BIRC6: variants seen among roughly 807,000 people sequenced by gnomAD.
BIRC6 encodes the protein dual E2 ubiquitin-conjugating enzyme/E3 ubiquitin-protein ligase BIRC6.
Under a neutral mutation model 503.3 loss-of-function variants are expected in BIRC6, and 98 were observed. The observed-to-expected ratio is 0.19, with a 90% CI of 0.17 to 0.23. The LOEUF (loss-of-function observed/expected upper bound fraction) is 0.23. BIRC6 is among the 10% of genes least tolerant of loss of function. The probability of loss-of-function intolerance (pLI) is 1.00; values close to 1 mark genes in which losing one functional copy is unlikely to be tolerated. For synonymous variants in BIRC6, 2,240 were observed against 2,078.7 expected (o/e 1.08, Z -2.11); for missense variants, 5,360 against 5,806.0 (o/e 0.92, Z 2.50).
intron 13 of BIRC6, 84 bp from the exon 14 acceptor site, chr2:32,435,412 A>G (rs987796322): frequency 7.4e-7 from 1 of 1,349,860 alleles, no homozygotes; most frequent in Non-Finnish European, 9.7e-7. Context: ...TAAATCATTG[A>G]TATTAAAGAA....
At chr2:32,577,944 G>C (rs995008404) in intron 66 of BIRC6, among the ~76,000 whole-genome samples, 34 of 152,180 alleles carry the variant, frequency 2.2e-4, no homozygotes, top group Middle Eastern at 3.4e-3. Context: ...ATGAGTGTTC[G>C]TAAAGCTCAT....
At chr2:32,411,779 T>C (rs1193269627) in intron 9 of BIRC6, among the ~76,000 whole-genome samples, 1 of 152,112 alleles carries the variant, frequency 6.6e-6, no homozygotes, top group East Asian at 1.9e-4. Flanking sequence ...GCGTCTGGCC[T>C]AACCTGTAGT....
chr2:32,569,019 C>T (rs1310715438), intron 65 of BIRC6, among the ~76,000 whole-genome samples: 2 of 148,890 alleles, frequency 1.3e-5, no homozygotes, highest in African/African-American at 2.5e-5. Context: ...AGTCTCCCTC[C>T]GTTGCTCAGG....
At position 32,490,145 on chromosome 2, in the gene BIRC6, C is replaced by G; in HGVS notation, c.8200C>G (p.Leu2734Val). 1 of 1,596,724 alleles carries G rather than the reference C, an allele frequency of 6.3e-7. No homozygotes were observed. The highest frequency in any genetic ancestry group is 8.6e-7 in the Non-Finnish European group (1 of 1,164,344). The change falls in exon 43 of 74, where the codon CTT becomes GTT. Residue 2734 changes from leucine (L) to valine (V), a missense_variant. By Grantham distance (32) the Leu-to-Val change is conservative. This residue lies in a region of BIRC6 where 2,299 missense variants were observed against 2,267.2 expected (regional missense o/e 1.01). Transcript: ENST00000421745. ...CCTAACACTCATGACAAACATGCAG[C>G]TTAATTGTAAGTTCATAAATTTATT... is the stretch of plus-strand genomic sequence containing the variant. ...HSLTLMTNMQ[L>V]NSGSSSAIGT... is the part of the protein sequence containing the mutation.
At position 32,491,481 on chromosome 2, in the gene BIRC6, G is replaced by C; in HGVS notation, c.8263G>C (p.Asp2755His). ...QESTAHLLVS[D>H]PNLIHVLVKF... ...GAGTACTGCTCATTTGTTGGTTTCA[G>C]ATCCAAACCTAATTCATGTATTAGT... Residue 2755 changes from aspartate to histidine, a missense_variant, in exon 44 of 74, where the codon GAT (aspartate) becomes CAT (histidine). Physicochemically the swap from Asp to His is moderately conservative, Grantham distance 81. Coordinates refer to ENST00000421745, the MANE Select transcript of BIRC6 (RefSeq NM_016252.4). 1 of 1,613,548 alleles carries C rather than the reference G, an allele frequency of 6.2e-7. No homozygotes were observed. Among genetic ancestry groups the C allele is most frequent in the Non-Finnish European group, 8.5e-7 (1 of 1,179,634 alleles).
intron 11 of BIRC6, among the ~76,000 whole-genome samples, chr2:32,429,809 A>G (rs987251945): frequency 1.3e-5 from 2 of 152,166 alleles, no homozygotes; most frequent in Admixed American, 6.5e-5. Context: ...GTAGACTTTT[A>G]TGAAATCATA....
intron 6 of BIRC6, among the ~76,000 whole-genome samples, chr2:32,396,633 T>C (rs562615688): frequency 1.3e-5 from 2 of 152,362 alleles, no homozygotes; most frequent in South Asian, 4.1e-4. Context: ...ATACATACTA[T>C]ATTTTTTTCC....
Position 32,392,050 on chromosome 2 carries a change from A to G in BIRC6, c.851A>G (p.Tyr284Cys), listed in dbSNP as rs2039297670. Residue 284 changes from tyrosine (Y) to cysteine (C), a missense_variant, in exon 5 of 74, where the codon TAT becomes TGT. Transcript: ENST00000421745. ...PGRSVDRSLM[Y>C]SEANRRETFT... ...ATGTTTACTTTTAGATCACTGATGTATAGTGAAGCTAACAGACGGGAGACA... is the reference window on the plus strand; with the variant it reads ...ATGTTTACTTTTAGATCACTGATGTGTAGTGAAGCTAACAGACGGGAGACA... The G allele has an allele frequency of 1.9e-6, 3 of 1,577,920 alleles. No homozygotes were observed. Among genetic ancestry groups the G allele is most frequent in the East Asian group, 2.3e-5 (1 of 43,930 alleles).
At chr2:32,598,469 TTA>T (rs2061818039) in intron 69 of BIRC6, among the ~76,000 whole-genome samples, 1 of 152,132 alleles carries the variant, frequency 6.6e-6, no homozygotes, top group African/African-American at 2.4e-5. Flanking sequence ...TCTAGGAAAT[TTA>T]TGTTTTTTTT....
intron 65 of BIRC6, among the ~76,000 whole-genome samples, chr2:32,561,612 A>AT (rs536755973): frequency 0.011 from 1,701 of 148,994 alleles, 37 homozygotes; most frequent in African/African-American, 0.039. Flanking sequence ...TTTTATTTTG[A>AT]TTTTTTTTTA....
chr2:32,425,435 T>G (rs1015992956), intron 10 of BIRC6, among the ~76,000 whole-genome samples: 8 of 109,758 alleles, frequency 7.3e-5, no homozygotes, highest in Non-Finnish European at 1.3e-4. Context: ...CTGGTAATTC[T>G]TTTTTTTTTT....
chr2:32,567,792 A>G (rs1573061154), intron 65 of BIRC6, among the ~76,000 whole-genome samples: 1 of 152,146 alleles, frequency 6.6e-6, no homozygotes, highest in South Asian at 2.1e-4. Context: ...TACCAAAATG[A>G]TGTACCAGGT....
chr2:32,425,629 A>G (rs1271181659), intron 10 of BIRC6, among the ~76,000 whole-genome samples: 1 of 152,112 alleles, frequency 6.6e-6, no homozygotes, highest in Non-Finnish European at 1.5e-5. Flanking sequence ...CTATTTGTAC[A>G]AAGGCTAGAG....
At chr2:32,407,887 T>C (rs62136280) in intron 9 of BIRC6, among the ~76,000 whole-genome samples, 12,539 of 152,188 alleles carry the variant, frequency 0.082, 637 homozygotes, top group Admixed American at 0.16. Flanking sequence ...AAACATAGAC[T>C]GAGGAAGCTA....
At position 32,499,963 on chromosome 2, in the gene BIRC6, G is replaced by T. The variant is rs1347658955; in HGVS notation, c.8885G>T (p.Gly2962Val). ...DSVSDEEKVSGGKDGNGSSTS... is the reference protein window; with the variant it reads ...DSVSDEEKVSVGKDGNGSSTS... Reference sequence around the variant, plus strand: ...GTTTCAGATGAAGAAAAAGTCTCAGGAGGCAAAGATGGCAATGGAAGCAGT... The same window carrying T: ...GTTTCAGATGAAGAAAAAGTCTCAGTAGGCAAAGATGGCAATGGAAGCAGT... The change falls in exon 46 of 74, where the codon GGA (glycine) becomes GTA (valine). Residue 2962 changes from glycine to valine, a missense_variant. By Grantham distance (109) the Gly-to-Val change is moderately radical. Around this residue, in one of 16 missense-constraint regions of BIRC6, gnomAD observed 2,299 missense variants for 2,267.2 expected, o/e 1.01. Transcript: ENST00000421745. 6.2e-7 allele frequency: 1 copy of T among 1,613,958 alleles called. No individual in the cohort carries two copies. Among genetic ancestry groups the T allele is most frequent in the Non-Finnish European group, 8.5e-7 (1 of 1,179,888 alleles).
chr2:32,398,438 G>C (rs905112072), intron 6 of BIRC6, among the ~76,000 whole-genome samples: 1 of 152,098 alleles, frequency 6.6e-6, no homozygotes, highest in Non-Finnish European at 1.5e-5. Flanking sequence ...GAAATCTTTC[G>C]TGTTAATAGA....
At chr2:32,441,090 C>G (rs1269750407) in intron 16 of BIRC6, among the ~76,000 whole-genome samples, 4 of 152,144 alleles carry the variant, frequency 2.6e-5, no homozygotes, top group Middle Eastern at 3.4e-3. Context: ...GTTTTATCAT[C>G]TGTAATCATT....
chr2:32,426,589 G>A (rs978387709), intron 10 of BIRC6, among the ~76,000 whole-genome samples: 2 of 152,256 alleles, frequency 1.3e-5, no homozygotes, highest in Admixed American at 6.5e-5. Flanking sequence ...GGGCAACAGA[G>A]CGAGACTCCG....
rs376447156 is a variant in BIRC6, at chr2:32,543,233, T to A, written c.12292-8T>A. ...AATGGCCAAGCCAACACTTTTCTTTTTCTTTAGGTGAGTGCTCCAGTTGTA... is the reference window on the plus strand; with the variant it reads ...AATGGCCAAGCCAACACTTTTCTTTATCTTTAGGTGAGTGCTCCAGTTGTA... On this transcript the variant is annotated splice_region_variant and splice_polypyrimidine_tract_variant and intron_variant, in intron 61 of 73. Coordinates refer to ENST00000421745, the MANE Select transcript of BIRC6 (RefSeq NM_016252.4). 4.3e-6 allele frequency: 7 copies of A among 1,609,738 alleles called. No homozygotes were observed. Among genetic ancestry groups the A allele is most frequent in the African/African-American group, 4.0e-5 (3 of 74,882 alleles).
Sources: gnomAD v4.1 joint callset for allele counts (sites outside exome capture counted in the v4.1 genomes callset) on GRCh38, gnomAD v4.1.1 for gene constraint, gnomAD v4.1.1 regional missense constraint, MANE v1.5 for transcripts, NCBI Gene and HGNC (gene_info 2026-07-23, HGNC 2026-07-21) for gene names.